The following GRIK3 variants were observed in gnomAD, a reference collection of about 807,000 sequenced individuals.
The protein encoded by GRIK3 is glutamate receptor ionotropic, kainate 3.
Under a neutral mutation model 102.5 loss-of-function variants are expected in GRIK3, and 29 were observed. The observed-to-expected ratio is 0.28, with a 90% confidence interval of 0.21 to 0.39. The LOEUF (loss-of-function observed/expected upper bound fraction) is 0.39. Among genes scored for constraint, GRIK3 ranks in the 10% least tolerant of loss-of-function variants. GRIK3 has a pLI of 1.00. For synonymous variants in GRIK3, 511 were observed against 504.9 expected, an observed-to-expected ratio of 1.01 and a Z score of -0.16; for missense variants, 908 against 1,252.4, an observed-to-expected ratio of 0.73 and a Z score of 4.15.
At chr1:36,935,306 G>T (rs1410679154) in intron 1 of GRIK3, among the ~76,000 whole-genome samples, 1 of 152,032 alleles carries the variant, frequency 6.6e-6, no homozygotes, top group Non-Finnish European at 1.5e-5. Flanking sequence ...TAAACATCTG[G>T]GTCCCTGGAT....
intron 1 of GRIK3, among the ~76,000 whole-genome samples, chr1:36,893,900 GGAA>G (rs1291748477): frequency 1.3e-5 from 2 of 152,162 alleles, no homozygotes; most frequent in African/African-American, 4.8e-5. Flanking sequence ...CTTTAGAAGA[GGAA>G]GAAGAAGAGG....
At chr1:36,940,242 A>G (rs1464838924) in intron 1 of GRIK3, among the ~76,000 whole-genome samples, 1 of 152,218 alleles carries the variant, frequency 6.6e-6, no homozygotes, top group Non-Finnish European at 1.5e-5. Flanking sequence ...GTACAACCCA[A>G]CTGTGTCTCC....
intron 9 of GRIK3, among the ~76,000 whole-genome samples, chr1:36,845,531 A>T (rs1363461262): frequency 6.6e-6 from 1 of 152,146 alleles, no homozygotes; most frequent in Non-Finnish European, 1.5e-5. Flanking sequence ...CTTGGGGGTT[A>T]TCCCCAATTT....
Position 36,801,427 on chromosome 1 carries a change from G to T in GRIK3, c.*424C>A, listed in dbSNP as rs1411413427. 3 of 159,234 alleles carry T rather than the reference G, an allele frequency of 1.9e-5. No individual in the cohort carries two copies. Among genetic ancestry groups the T allele is most frequent in the Non-Finnish European group, 2.8e-5 (2 of 72,220 alleles). 9.9% of individuals were successfully genotyped at this position (159,234 alleles called of 1,614,324 possible). A position where few individuals can be genotyped will look rare whatever the true frequency, so the allele number is the denominator to read the frequency against. ...CTAGAACATCCTTAAGGCGCCGAAG[G>T]CTTGTGTCTCTGGCCTCACGGTCAA... is the stretch of plus-strand genomic sequence containing the variant. On this transcript the variant is annotated 3_prime_UTR_variant, in exon 16 of 16. Coordinates refer to ENST00000373091, the MANE Select transcript of GRIK3 (RefSeq NM_000831.4).
rs142995461 is a variant in GRIK3, at chr1:36,812,269, A to G, written c.2091+4791T>C. On this transcript the variant is annotated intron_variant, in intron 13 of 15. Coordinates refer to ENST00000373091, the MANE Select transcript of GRIK3 (RefSeq NM_000831.4). The stretch of plus-strand genomic sequence containing the variant: ...GGCTGTGCAAGGGGGATGGCCTGAC[A>G]ATGACCAGGGGCCCAGGGAACCTGG... Among the ~76,000 whole-genome samples, 711 of 152,156 alleles carry G rather than the reference A, an allele frequency of 4.7e-3. 18 individuals carry two copies. Among genetic ancestry groups the G allele is most frequent in the Admixed American group, 0.034 (521 of 15,292 alleles).
At chr1:36,835,998 AC>A (rs1640373521) in intron 10 of GRIK3, among the ~76,000 whole-genome samples, 1 of 152,024 alleles carries the variant, frequency 6.6e-6, no homozygotes, top group South Asian at 2.1e-4. Context: ...GCTCTGGGCA[AC>A]CTGGCTGCTC....
chr1:36,984,843 C>G (rs955140433), intron 1 of GRIK3, among the ~76,000 whole-genome samples: 6 of 152,186 alleles, frequency 3.9e-5, no homozygotes, highest in Non-Finnish European at 8.8e-5. Context: ...GAAAGTTAGC[C>G]AGGACATTCC....
rs141243860 is a variant in GRIK3 at position 36,952,920 on chromosome 1, G to A, written c.116-61824C>T. On this transcript the variant is annotated intron_variant, in intron 1 of 15. Transcript: ENST00000373091. ...CTGAGAGAAATGCTCCAGGTAGAGG[G>A]AACAGCACGTGCAACACTTGTACAA... 1.9e-3 allele frequency among the ~76,000 whole-genome samples: 284 copies of A among 152,294 alleles called. 1 individual carries two copies. The highest frequency in any genetic ancestry group is 6.4e-3 in the African/African-American group (264 of 41,570).
intron 1 of GRIK3, among the ~76,000 whole-genome samples, chr1:36,926,999 A>T (rs1290093510): frequency 6.6e-6 from 1 of 152,204 alleles, no homozygotes; most frequent in Non-Finnish European, 1.5e-5. Context: ...GAACAGACAC[A>T]TTTCCCTTCC....
intron 1 of GRIK3, among the ~76,000 whole-genome samples, chr1:36,918,770 A>T (rs890115873): frequency 1.3e-5 from 2 of 152,050 alleles, no homozygotes; most frequent in Non-Finnish European, 2.9e-5. Flanking sequence ...TGTGCTGCCT[A>T]GTCTTGCACA....
intron 10 of GRIK3, among the ~76,000 whole-genome samples, chr1:36,836,575 C>T (rs1329438068): frequency 6.6e-6 from 1 of 152,218 alleles, no homozygotes; most frequent in Non-Finnish European, 1.5e-5. Context: ...GTGGGTGGTG[C>T]AACTTCTCCA....
At chr1:36,829,236 G>A (rs1469897573) in intron 10 of GRIK3, among the ~76,000 whole-genome samples, 1 of 152,210 alleles carries the variant, frequency 6.6e-6, no homozygotes, top group Non-Finnish European at 1.5e-5. Flanking sequence ...AGCCTTTGCT[G>A]TTTCGGTTCA....
chr1:36,998,049 C>T (rs1254611963), intron 1 of GRIK3, among the ~76,000 whole-genome samples: 3 of 151,936 alleles, frequency 2.0e-5, no homozygotes, highest in Non-Finnish European at 2.9e-5. Context: ...GCAGGCATAG[C>T]TGACTGACTG....
At chr1:37,017,756 T>G (rs1642669295) in intron 1 of GRIK3, among the ~76,000 whole-genome samples, 1 of 152,162 alleles carries the variant, frequency 6.6e-6, no homozygotes, top group African/African-American at 2.4e-5. Context: ...CCAACCTCAC[T>G]AGAGATAACA....
At chr1:36,832,177 C>G (rs2124205086) in intron 10 of GRIK3, among the ~76,000 whole-genome samples, 1 of 152,368 alleles carries the variant, frequency 6.6e-6, no homozygotes, top group Admixed American at 6.5e-5. Flanking sequence ...GGTGTTTCCA[C>G]CCCCTCAGAC....
chr1:36,877,711 T>C (rs1029562652), intron 3 of GRIK3, among the ~76,000 whole-genome samples: 1 of 152,172 alleles, frequency 6.6e-6, no homozygotes, highest in Non-Finnish European at 1.5e-5. Context: ...TTGCTCATGC[T>C]GTTCCCTCCA....
chr1:36,941,553 G>A (rs943850529), intron 1 of GRIK3, among the ~76,000 whole-genome samples: 6 of 152,078 alleles, frequency 3.9e-5, no homozygotes, highest in African/African-American at 1.4e-4. Flanking sequence ...TCAGTGGGGT[G>A]GAGGGGGGGA....
intron 1 of GRIK3, among the ~76,000 whole-genome samples, chr1:36,957,408 G>T: frequency 6.9e-6 from 1 of 145,154 alleles, no homozygotes; most frequent in East Asian, 2.1e-4. Context: ...TGTGCCCCGT[G>T]AGCCTGTGTG....
At chr1:36,891,123 T>C in intron 1 of GRIK3, 27 bp from the exon 2 acceptor site, 2 of 1,584,670 alleles carry the variant, frequency 1.3e-6, no homozygotes, top group East Asian at 2.2e-5. Context: ...AAATTGTGTG[T>C]GGTTGGGAGG....
Sources: gnomAD v4.1 joint callset for allele counts (sites outside exome capture counted in the v4.1 genomes callset) on GRCh38, gnomAD v4.1.1 for gene constraint, MANE v1.5 for transcripts, NCBI Gene and HGNC (gene_info 2026-07-23, HGNC 2026-07-21) for gene names.